The following GRHL2 variants were observed in gnomAD, a reference collection of about 807,000 sequenced individuals.
The protein encoded by GRHL2 is grainyhead like transcription factor 2.
Under a neutral mutation model 83.8 loss-of-function variants are expected in GRHL2, and 21 were observed. That is an observed-to-expected ratio of 0.25 (90% CI 0.18 to 0.36). The LOEUF (loss-of-function observed/expected upper bound fraction) is 0.36, where lower values mean the gene tolerates loss of function less well. Among genes scored for constraint, GRHL2 ranks in the 10% least tolerant of loss-of-function variants. The probability of loss-of-function intolerance (pLI) is 1.00; values close to 1 mark genes in which losing one functional copy is unlikely to be tolerated. For synonymous variants in GRHL2, 280 were observed against 278.9 expected, an observed-to-expected ratio of 1.00 and a Z score of -0.04; for missense variants, 623 against 781.8, an observed-to-expected ratio of 0.80 and a Z score of 2.42.
chr8:101,658,245 C>CT (rs1813842097), intron 14 of GRHL2, among the ~76,000 whole-genome samples: 1 of 152,220 alleles, frequency 6.6e-6, no homozygotes, highest in African/African-American at 2.4e-5. Context: ...CTTCTTTGTA[C>CT]TGGATGGGGT....
At chr8:101,576,836 A>T (rs1021610774) in intron 6 of GRHL2, among the ~76,000 whole-genome samples, 1 of 152,224 alleles carries the variant, frequency 6.6e-6, no homozygotes, top group African/African-American at 2.4e-5. Flanking sequence ...AATAGATATC[A>T]TAGTTGCTCT....
rs572754424 is a variant in GRHL2 at position 101,569,177 on chromosome 8, G to A, written c.679-1162G>A. On this transcript the variant is annotated intron_variant, in intron 4 of 15. Transcript: ENST00000646743. ...TTTTCATCAGTATTCTACAATATTC[G>A]CTTCCGATCAAGAATTAGGGCTTTT... is the stretch of plus-strand genomic sequence containing the variant. 1.8e-4 allele frequency among the ~76,000 whole-genome samples: 27 copies of A among 152,258 alleles called. No individual in the cohort carries two copies. In the South Asian group the frequency reaches 4.1e-3, roughly 23 times the overall value.
At chr8:101,625,524 T>G (rs1168946491) in intron 9 of GRHL2, among the ~76,000 whole-genome samples, 3 of 152,006 alleles carry the variant, frequency 2.0e-5, no homozygotes, top group Non-Finnish European at 4.4e-5. Context: ...TTATTTTAAA[T>G]TATAAAAGGG....
chr8:101,521,871 G>C (rs992543815), intron 1 of GRHL2, among the ~76,000 whole-genome samples: 2 of 152,180 alleles, frequency 1.3e-5, no homozygotes, highest in Admixed American at 6.5e-5. Context: ...TAGATGAAAT[G>C]CTCCTTAATA....
At chr8:101,621,873 G>A (rs1411969797) in intron 9 of GRHL2, among the ~76,000 whole-genome samples, 4 of 149,908 alleles carry the variant, frequency 2.7e-5, no homozygotes, top group East Asian at 3.9e-4. Flanking sequence ...GACACAGCAA[G>A]ACCCTATCTA....
intron 1 of GRHL2, among the ~76,000 whole-genome samples, chr8:101,540,220 A>G (rs1316401919): frequency 3.3e-5 from 5 of 152,318 alleles, no homozygotes; most frequent in African/African-American, 7.2e-5. Context: ...TATTTTATCA[A>G]TTATTTTATT....
chr8:101,544,479 T>G (rs1363870497), intron 2 of GRHL2, among the ~76,000 whole-genome samples: 3 of 152,224 alleles, frequency 2.0e-5, no homozygotes, highest in Admixed American at 2.0e-4. Context: ...AAAACAATGA[T>G]TTTTCTCAAG....
chr8:101,624,004 CAGT>C (rs1813021873), intron 9 of GRHL2, among the ~76,000 whole-genome samples: 1 of 147,336 alleles, frequency 6.8e-6, no homozygotes, highest in African/African-American at 2.5e-5. Flanking sequence ...GGACAGTACA[CAGT>C]AGGACAGTAC....
chr8:101,517,481 C>A (rs1041160627), intron 1 of GRHL2, among the ~76,000 whole-genome samples: 1 of 152,144 alleles, frequency 6.6e-6, no homozygotes, highest in Non-Finnish European at 1.5e-5. Context: ...TGGCCACCAG[C>A]GCAAAGGGCT....
rs1462778035 is a variant in GRHL2, at chr8:101,558,530, G to T, written c.396G>T (p.Glu132Asp). Residue 132 changes from glutamate to aspartate, a missense_variant, in exon 4 of 16, where the codon GAG (glutamate) becomes GAT (aspartate). By Grantham distance (45) the Glu-to-Asp change is conservative (BLOSUM62 2). Transcript: ENST00000646743. ...VNLSLNQDHLENSKREQYSIS... is the reference protein window; with the variant it reads ...VNLSLNQDHLDNSKREQYSIS... ...TTTCCCTAAATCAAGATCACCTGGAGAATTCCAAGCGGGAACAGTACAGCA... is the reference window on the plus strand; with the variant it reads ...TTTCCCTAAATCAAGATCACCTGGATAATTCCAAGCGGGAACAGTACAGCA... 1 of 1,614,140 alleles carries T rather than the reference G, an allele frequency of 6.2e-7. No individual in the cohort carries two copies. The highest frequency in any genetic ancestry group is 1.1e-5 in the South Asian group (1 of 91,068).
Position 101,669,030 on chromosome 8 carries a change from C to G in GRHL2, c.*2327C>G, listed in dbSNP as rs991026424. The G allele has an allele frequency of 6.6e-6, 1 of 152,214 alleles. No homozygotes were observed. Among genetic ancestry groups the G allele is most frequent in the Non-Finnish European group, 1.5e-5 (1 of 68,062 alleles). The allele number at this position is 152,214 out of a possible 1,614,324, so 9.4% of individuals were successfully genotyped here. ...CAGAGGGTGGTGCCAAGTGCCACAT[C>G]CCTTCCGATCCATTCCCCTCTGCAT... On this transcript the variant is annotated 3_prime_UTR_variant, in exon 16 of 16. Coordinates refer to ENST00000646743, the MANE Select transcript of GRHL2 (RefSeq NM_024915.4).
At position 101,584,603 on chromosome 8, in the gene GRHL2, G is replaced by GT. The variant is rs994109340; in HGVS notation, c.1003+7092dup. 1.3e-4 allele frequency among the ~76,000 whole-genome samples: 20 copies of GT among 152,126 alleles called. 1 individual carries two copies. The highest frequency in any genetic ancestry group is 2.1e-4 in the South Asian group (1 of 4,814). On this transcript the variant is annotated intron_variant, in intron 7 of 15. Coordinates refer to ENST00000646743, the MANE Select transcript of GRHL2 (RefSeq NM_024915.4). ...TTATTTAAACTGTTAAAAAAAAAGA[G>GT]TTTTTTTTATTTGAGTTTTTTAGAG...
chr8:101,537,555 C>G (rs1193081590), intron 1 of GRHL2, among the ~76,000 whole-genome samples: 2 of 152,188 alleles, frequency 1.3e-5, no homozygotes, highest in Non-Finnish European at 2.9e-5. Context: ...CTACTACTAT[C>G]TAACTATTAT....
intron 7 of GRHL2, among the ~76,000 whole-genome samples, chr8:101,595,234 A>G (rs558822414): frequency 1.3e-5 from 2 of 152,330 alleles, no homozygotes; most frequent in South Asian, 4.1e-4. Context: ...CTTGAACAAG[A>G]TTAGAGTATT....
chr8:101,572,807 A>G (rs1811853495), intron 5 of GRHL2, among the ~76,000 whole-genome samples: 2 of 152,112 alleles, frequency 1.3e-5, no homozygotes, highest in Non-Finnish European at 2.9e-5. Flanking sequence ...AAATTATATC[A>G]TGTTTTTTAA....
downstream of GRHL2, among the ~76,000 whole-genome samples, chr8:101,674,684 G>T (rs184170735): frequency 2.0e-5 from 3 of 152,134 alleles, no homozygotes; most frequent in African/African-American, 7.2e-5. Context: ...TAGAAAAAGA[G>T]GAAATCCTCC....
chr8:101,576,961 C>T (rs1048323247), intron 6 of GRHL2, among the ~76,000 whole-genome samples: 1 of 151,820 alleles, frequency 6.6e-6, no homozygotes, highest in African/African-American at 2.4e-5. Context: ...TTTGATATTC[C>T]AGCCTGAGCC....
At chr8:101,631,355 A>G (rs575449196) in intron 9 of GRHL2, among the ~76,000 whole-genome samples, 2 of 152,352 alleles carry the variant, frequency 1.3e-5, no homozygotes, top group Admixed American at 1.3e-4. Flanking sequence ...GATTCTTTCC[A>G]TATGGATTCA....
intron 13 of GRHL2, among the ~76,000 whole-genome samples, chr8:101,648,922 C>T (rs769305969): frequency 2.0e-5 from 3 of 152,188 alleles, no homozygotes; most frequent in Non-Finnish European, 2.9e-5. Flanking sequence ...CCTCCATAAC[C>T]CTGTGTCTAG....
Sources: gnomAD v4.1 joint callset for allele counts (sites outside exome capture counted in the v4.1 genomes callset) on GRCh38, gnomAD v4.1.1 for gene constraint, MANE v1.5 for transcripts, NCBI Gene and HGNC (gene_info 2026-07-23, HGNC 2026-07-21) for gene names.